CFAP221: variants seen among roughly 807,000 people sequenced by gnomAD.
CFAP221 encodes cilia and flagella associated protein 221.
Under a neutral mutation model 113.1 loss-of-function variants are expected in CFAP221, and 97 were observed. The ratio of observed to expected loss-of-function variants is 0.86; its 90% confidence interval spans 0.73 to 1.02. The LOEUF (loss-of-function observed/expected upper bound fraction) is 1.02. Ranked by LOEUF, CFAP221 falls within the 50% of genes least tolerant of loss-of-function variation. The pLI, the probability that CFAP221 is intolerant of heterozygous loss-of-function variation, is 0.00. For synonymous variants in CFAP221, 331 were observed against 354.4 expected, an observed-to-expected ratio of 0.93 and a Z score of 0.74; for missense variants, 1,025 against 1,013.4, an observed-to-expected ratio of 1.01 and a Z score of -0.16.
At chr2:119,616,547 CCT>C (rs1685540116) in intron 14 of CFAP221, among the ~76,000 whole-genome samples, 1 of 152,202 alleles carries the variant, frequency 6.6e-6, no homozygotes, top group African/African-American at 2.4e-5. Flanking sequence ...CCAGTGGCTT[CCT>C]GTTATCAGGA....
intron 19 of CFAP221, 135 bp from the exon 20 acceptor site, chr2:119,638,124 T>C: frequency 1.2e-6 from 1 of 843,132 alleles, no homozygotes; most frequent in Non-Finnish European, 1.8e-6. Context: ...TGCTTCTCTT[T>C]TCCAGACAAG....
At chr2:119,591,636 C>A (rs1461790744) in intron 7 of CFAP221, among the ~76,000 whole-genome samples, 1 of 152,218 alleles carries the variant, frequency 6.6e-6, no homozygotes, top group African/African-American at 2.4e-5. Flanking sequence ...CAGCAGCAGT[C>A]AGTGAACTTG....
downstream of CFAP221, among the ~76,000 whole-genome samples, chr2:119,658,463 A>G (rs929060050): frequency 6.6e-6 from 1 of 152,092 alleles, no homozygotes; most frequent in Admixed American, 6.5e-5. Context: ...CATTTCTCCA[A>G]GGAGCCCTGG....
intron 6 of CFAP221, chr2:119,580,433 T>C (rs1404338368): frequency 2.0e-5 from 3 of 152,174 alleles, no homozygotes; most frequent in African/African-American, 7.2e-5. Context: ...ACAGCTACGC[T>C]CCTCTCAAAG....
chr2:119,628,294 G>GGGGTGTGT (rs1553491014), intron 16 of CFAP221, among the ~76,000 whole-genome samples: 113 of 137,580 alleles, frequency 8.2e-4, no homozygotes, highest in East Asian at 3.6e-3. Context: ...CTCTCTGGGG[G>GGGGTGTGT]GTGTGTGTGT....
At chr2:119,646,103 A>G (rs1394965215) in intron 21 of CFAP221, among the ~76,000 whole-genome samples, 1 of 152,196 alleles carries the variant, frequency 6.6e-6, no homozygotes, top group Non-Finnish European at 1.5e-5. Flanking sequence ...GAATTTTTAT[A>G]TAAAGCTCTA....
chr2:119,592,297 T>C (rs968511830), intron 7 of CFAP221, among the ~76,000 whole-genome samples: 5 of 152,218 alleles, frequency 3.3e-5, no homozygotes, highest in African/African-American at 1.2e-4. Flanking sequence ...ATATGCAATA[T>C]TCATTCCTAA....
chr2:119,586,309 T>A (rs1369195034), intron 6 of CFAP221, among the ~76,000 whole-genome samples: 1 of 152,038 alleles, frequency 6.6e-6, no homozygotes. Context: ...GGATGTAGAA[T>A]TACCCTGGAG....
rs758894929 is a variant in CFAP221, at chr2:119,651,979, T to C, written c.2324T>C (p.Leu775Pro). ...EDRLETVERE[L>P]CEQNVEVMLT... Reference sequence around the variant, plus strand: ...AACATCTTATTACTTTGCAGTGAGCTCTGTGAGCAGAATGTAGAAGTTATG... The same window carrying C: ...AACATCTTATTACTTTGCAGTGAGCCCTGTGAGCAGAATGTAGAAGTTATG... The change falls in exon 23 of 24, where the codon CTC (leucine) becomes CCC (proline). Residue 775 changes from leucine (L) to proline (P), a missense_variant. Transcript: ENST00000413369. 27 of 1,610,966 alleles carry C rather than the reference T, an allele frequency of 1.7e-5. No homozygotes were observed. The highest frequency in any genetic ancestry group is 2.3e-5 in the Non-Finnish European group (27 of 1,178,486).
Position 119,546,595 on chromosome 2 carries a change from TAAA to T in CFAP221, c.139+327_139+329del. 2.6e-5 allele frequency among the ~76,000 whole-genome samples: 4 copies of T among 152,332 alleles called. No individual in the cohort carries two copies. The South Asian group carries it at 8.3e-4, about 32-fold the overall frequency. On this transcript the variant is annotated intron_variant, in intron 2 of 23. Coordinates refer to ENST00000413369, the MANE Select transcript of CFAP221 (RefSeq NM_001271049.2). ...ATTCTCCTCCTGTCAGTTTGCTTTCTAAAATCCTGGCTGGCTTTTATCCCTAAT... is the reference window on the plus strand; with the variant it reads ...ATTCTCCTCCTGTCAGTTTGCTTTCTATCCTGGCTGGCTTTTATCCCTAAT...
intron 15 of CFAP221, 147 bp downstream of exon 15, chr2:119,625,835 C>G: frequency 1.6e-6 from 1 of 628,130 alleles, no homozygotes; most frequent in East Asian, 2.8e-5. Context: ...TAACAAATCA[C>G]TTGTGCCTTC....
chr2:119,639,659 A>T, intron 20 of CFAP221, 122 bp from the exon 21 acceptor site: 1 of 735,978 alleles, frequency 1.4e-6, no homozygotes, highest in South Asian at 1.7e-5. Flanking sequence ...TTCAAACTGA[A>T]TGAAATTACA....
At chr2:119,564,252 A>G (rs894903889) in intron 6 of CFAP221, among the ~76,000 whole-genome samples, 14 of 152,112 alleles carry the variant, frequency 9.2e-5, no homozygotes, top group African/African-American at 3.4e-4. Context: ...TGGAACTCCA[A>G]AGTTTAGATC....
Position 119,562,253 on chromosome 2 carries a change from C to CAAAAAAAAAAA in CFAP221, c.527+142_527+152dup, listed in dbSNP as rs10628972. 30 of 274,486 alleles carry CAAAAAAAAAAA rather than the reference C, an allele frequency of 1.1e-4. 2 individuals carry two copies. Among genetic ancestry groups the CAAAAAAAAAAA allele is most frequent in the Admixed American group, 3.0e-4 (5 of 16,928 alleles). 17.0% of individuals were successfully genotyped at this position (274,486 alleles called of 1,614,324 possible). A position where few individuals can be genotyped will look rare whatever the true frequency, so the allele number is the denominator to read the frequency against. On this transcript the variant is annotated intron_variant, in intron 6 of 23. Transcript: ENST00000413369. ...AGACTGGACTTGTCATTGTAAAAGG[C>CAAAAAAAAAAA]AAAAAAAAAAAAAGCAAAAGCAAAA...
Position 119,587,126 on chromosome 2 carries a change from T to A in CFAP221, c.535T>A (p.Tyr179Asn). ...TTTTTGTTTGTTTTGCAGCAAAACT[T>A]ATGTTATTCCTTTGCAGTGCAGCTG... ...SNVLLGESKT[Y>N]VIPLQCSCPV... The change falls in exon 7 of 24, where the codon TAT becomes AAT. Residue 179 changes from tyrosine (Y) to asparagine (N), a missense_variant. Tyr to Asn is a moderately radical substitution (Grantham distance 143, BLOSUM62 -2). Coordinates refer to ENST00000413369, the MANE Select transcript of CFAP221 (RefSeq NM_001271049.2). 1 of 1,511,344 alleles carries A rather than the reference T, an allele frequency of 6.6e-7. No individual in the cohort carries two copies. Among genetic ancestry groups the A allele is most frequent in the Non-Finnish European group, 8.8e-7 (1 of 1,136,488 alleles). 93.6% of individuals were successfully genotyped at this position (1,511,344 alleles called of 1,614,324 possible).
chr2:119,610,345 T>C (rs1685064979), intron 12 of CFAP221, among the ~76,000 whole-genome samples: 1 of 152,094 alleles, frequency 6.6e-6, no homozygotes, highest in South Asian at 2.1e-4. Flanking sequence ...ACGGAACTCC[T>C]GGAGGCCCCA....
chr2:119,587,459 A>T (rs1273726627), intron 7 of CFAP221, among the ~76,000 whole-genome samples: 1 of 152,222 alleles, frequency 6.6e-6, no homozygotes, highest in Admixed American at 6.5e-5. Flanking sequence ...GATCCATTCC[A>T]ATGCTAAGTT....
chr2:119,615,812 A>G lies in CFAP221; in HGVS notation c.1410+103A>G, dbSNP rs543701673. On this transcript the variant is annotated intron_variant, in intron 14 of 23. Transcript: ENST00000413369. ...ACACCTTTATTGAGATACAATTTAC[A>G]CACCATAAAATTCACCCTTGTAAAA... 3 of 825,502 alleles carry G rather than the reference A, an allele frequency of 3.6e-6. No homozygotes were observed. The East Asian group carries it at 8.5e-5, about 23-fold the overall frequency. The allele number at this position is 825,502 out of a possible 1,614,324, so 51.1% of individuals were successfully genotyped here. A position where few individuals can be genotyped will look rare whatever the true frequency, so the allele number is the denominator to read the frequency against.
At chr2:119,626,414 T>C (rs1686310113) in intron 15 of CFAP221, among the ~76,000 whole-genome samples, 1 of 152,144 alleles carries the variant, frequency 6.6e-6, no homozygotes, top group Admixed American at 6.5e-5. Context: ...ACCCACTTGA[T>C]AATGAACAAG....
Sources: allele counts gnomAD v4.1 joint callset (sites outside exome capture counted in the v4.1 genomes callset), GRCh38; gene constraint gnomAD v4.1.1; transcripts MANE v1.5; gene names NCBI Gene and HGNC (gene_info 2026-07-23, HGNC 2026-07-21).